The following C6orf62 variants were observed in gnomAD, a reference collection of about 807,000 sequenced individuals.
The protein encoded by C6orf62 is chromosome 6 open reading frame 62.
In C6orf62, 16 loss-of-function variants were observed where a neutral mutation model predicts 26.8. The observed-to-expected ratio is 0.60, with a 90% CI of 0.40 to 0.91. The LOEUF (loss-of-function observed/expected upper bound fraction) is 0.91. Among genes scored for constraint, C6orf62 ranks in the 40% least tolerant of loss-of-function variants. C6orf62 has a pLI of 0.00. For synonymous variants in C6orf62, 112 were observed against 91.5 expected, an observed-to-expected ratio of 1.22 and a Z score of -1.28; for missense variants, 192 against 271.4, an observed-to-expected ratio of 0.71 and a Z score of 2.06.
intron 3 of C6orf62, 59 bp from the exon 4 acceptor site, chr6:24,708,970 A>T (rs867266761): frequency 2.1e-5 from 34 of 1,607,650 alleles, no homozygotes; most frequent in Non-Finnish European, 2.6e-5. Flanking sequence ...ACCTATCTGC[A>T]TCTATATGCT....
At chr6:24,708,385 G>A (rs1779055501) in intron 4 of C6orf62, among the ~76,000 whole-genome samples, 1 of 152,038 alleles carries the variant, frequency 6.6e-6, no homozygotes, top group Non-Finnish European at 1.5e-5. Flanking sequence ...GTCTCGTTCT[G>A]TCATTCAAGC....
chr6:24,713,127 T>G (rs1264513761), intron 3 of C6orf62, among the ~76,000 whole-genome samples: 3 of 152,242 alleles, frequency 2.0e-5, no homozygotes, highest in African/African-American at 7.2e-5. Flanking sequence ...AATCAAAAAG[T>G]GACTTTTGAA....
At chr6:24,714,640 G>A (rs1378504365) in intron 2 of C6orf62, among the ~76,000 whole-genome samples, 200 bp from the exon 3 acceptor site, 1 of 152,090 alleles carries the variant, frequency 6.6e-6, no homozygotes, top group African/African-American at 2.4e-5. Flanking sequence ...TTTGGAGACA[G>A]AGTCCCTCTC....
intron 2 of C6orf62, among the ~76,000 whole-genome samples, chr6:24,715,736 T>A (rs1167104366): frequency 6.6e-6 from 1 of 150,840 alleles, no homozygotes; most frequent in Non-Finnish European, 1.5e-5. Context: ...TAGTCCCAGC[T>A]ACTCGGGAGG....
At chr6:24,720,174 G>T (rs1352312636), upstream of C6orf62, 1 of 1,358,572 alleles carries the variant, frequency 7.4e-7, no homozygotes, top group Non-Finnish European at 9.4e-7. Flanking sequence ...GTGGGTGACG[G>T]GGAAATCCCC....
At chr6:24,719,155 CAA>C (rs5875002), upstream of C6orf62, 232,659 of 850,514 alleles carry the variant, frequency 0.27, 3,681 homozygotes, top group Admixed American at 0.29. Context: ...CCTTGCTTTC[CAA>C]AAAAAAAAAA....
Position 24,714,370 on chromosome 6 carries a change from C to G in C6orf62, c.377G>C (p.Cys126Ser). Residue 126 changes from cysteine to serine, a missense_variant, in exon 3 of 5, where the codon TGT (cysteine) becomes TCT (serine). Cys to Ser is a moderately radical substitution (Grantham distance 112). Coordinates refer to ENST00000378119, the MANE Select transcript of C6orf62 (RefSeq NM_030939.5). ...WPRNDIEKIVCLLFSRWKESD... is the reference protein window; with the variant it reads ...WPRNDIEKIVSLLFSRWKESD... The stretch of plus-strand genomic sequence containing the variant: ...TTCTTTCCACCTAGAAAACAGGAGA[C>G]AGACGATTTTTTCAATATCATTCCG... 6.2e-7 allele frequency: 1 copy of G among 1,612,376 alleles called. No homozygotes were observed. Among genetic ancestry groups the G allele is most frequent in the South Asian group, 1.1e-5 (1 of 90,926 alleles).
rs574830413 is a variant in C6orf62, at chr6:24,710,710, A to G, written c.430-1799T>C. The stretch of plus-strand genomic sequence containing the variant: ...AAGTAGTAATGGTAAGTAATCTGAT[A>G]AACGCTGACTGGGCATGGTGGCTCA... On this transcript the variant is annotated intron_variant, in intron 3 of 4. Coordinates refer to ENST00000378119, the MANE Select transcript of C6orf62 (RefSeq NM_030939.5). 11 of 809,316 alleles carry G rather than the reference A, an allele frequency of 1.4e-5. No individual in the cohort carries two copies. In the East Asian group the frequency reaches 1.4e-3, roughly 101 times the overall value. 50.1% of individuals were successfully genotyped at this position (809,316 alleles called of 1,614,324 possible).
intron 1 of C6orf62, 141 bp from the exon 2 acceptor site, chr6:24,716,465 A>ACATTTTTTAAT: frequency 1.6e-6 from 1 of 617,558 alleles, no homozygotes; most frequent in East Asian, 2.8e-5. Flanking sequence ...ACACATTTTC[A>ACATTTTTTAAT]GATAGGTAAT....
At chr6:24,707,832 T>C (rs1183173174) in intron 4 of C6orf62, among the ~76,000 whole-genome samples, 3 of 150,218 alleles carry the variant, frequency 2.0e-5, no homozygotes, top group African/African-American at 7.4e-5. Flanking sequence ...TGAAACCCTG[T>C]CTCTACTAAA....
upstream of C6orf62, chr6:24,720,489 A>G (rs898471985): frequency 4.3e-5 from 30 of 691,056 alleles, 1 homozygote; most frequent in Non-Finnish European, 5.2e-5. Flanking sequence ...ACGCGGAGAC[A>G]GCGGCAACAG....
upstream of C6orf62, chr6:24,720,178 A>T (rs1779327233): frequency 4.4e-6 from 6 of 1,362,446 alleles, no homozygotes; most frequent in Non-Finnish European, 5.6e-6. Flanking sequence ...GTGACGGGGA[A>T]ATCCCCTCCC....
chr6:24,715,063 C>T (rs1779195844), intron 2 of C6orf62, among the ~76,000 whole-genome samples: 3 of 152,160 alleles, frequency 2.0e-5, no homozygotes, highest in Non-Finnish European at 2.9e-5. Context: ...CCTTTATTTC[C>T]ACCTTTAAAA....
chr6:24,720,203 C>G, upstream of C6orf62: 1 of 1,358,370 alleles, frequency 7.4e-7, no homozygotes, highest in Non-Finnish European at 9.4e-7. Flanking sequence ...CCCGCGGAGC[C>G]CGGGACTCAC....
intron 4 of C6orf62, among the ~76,000 whole-genome samples, chr6:24,708,294 C>T (rs1039766515): frequency 2.0e-5 from 3 of 148,784 alleles, no homozygotes; most frequent in African/African-American, 4.9e-5. Flanking sequence ...CTGTAACATG[C>T]AGCAAAATTT....
In C6orf62 at chr6:24,706,237, A is replaced by T; in HGVS notation, c.590T>A (p.Phe197Tyr). Reference sequence around the variant, plus strand: ...GTAGAGGCAGATGCTGCATAACTTGAAGATTGTAGCTTTGTTTTTTGGAGT... The same window carrying T: ...GTAGAGGCAGATGCTGCATAACTTGTAGATTGTAGCTTTGTTTTTTGGAGT... ...LQTPKNKATI[F>Y]KLCSICLYLP... Residue 197 changes from phenylalanine to tyrosine, a missense_variant, in exon 5 of 5, where the codon TTC becomes TAC. Physicochemically the swap from Phe to Tyr is conservative, Grantham distance 22 (BLOSUM62 3). Coordinates refer to ENST00000378119, the MANE Select transcript of C6orf62 (RefSeq NM_030939.5). 2 of 1,614,190 alleles carry T rather than the reference A, an allele frequency of 1.2e-6. No individual in the cohort carries two copies. Among genetic ancestry groups the T allele is most frequent in the Non-Finnish European group, 1.7e-6 (2 of 1,180,036 alleles).
At chr6:24,712,655 G>A (rs976480108) in intron 3 of C6orf62, among the ~76,000 whole-genome samples, 11 of 134,224 alleles carry the variant, frequency 8.2e-5, no homozygotes, top group African/African-American at 2.6e-4. Context: ...TCACACTACT[G>A]CACTCCAATC....
chr6:24,716,469 A>AC, intron 1 of C6orf62, 145 bp from the exon 2 acceptor site: 1 of 612,144 alleles, frequency 1.6e-6, no homozygotes, highest in East Asian at 2.8e-5. Flanking sequence ...ATTTTCAGAT[A>AC]GGTAATTCCT....
intron 3 of C6orf62, chr6:24,709,800 C>T (rs1206085201): frequency 1.0e-6 from 1 of 985,286 alleles, no homozygotes; most frequent in African/African-American, 1.7e-5. Flanking sequence ...ATGACATGAC[C>T]AGGCTTGATG....
Sources: allele counts gnomAD v4.1 joint callset (sites outside exome capture counted in the v4.1 genomes callset), GRCh38; gene constraint gnomAD v4.1.1; transcripts MANE v1.5; gene names NCBI Gene and HGNC (gene_info 2026-07-23, HGNC 2026-07-21).